Variants in TEX15 observed in about 807,000 individuals in gnomAD.
The protein encoded by TEX15 is testis expressed 15, meiosis and synapsis associated.
In TEX15, 171 loss-of-function variants were observed where a neutral mutation model predicts 237.3. The ratio of observed to expected loss-of-function variants is 0.72; its 90% CI spans 0.64 to 0.82. TEX15 has a LOEUF of 0.82. TEX15 is among the 40% of genes least tolerant of loss of function. TEX15 has a pLI of 0.00. For missense variants in TEX15, 3,750 were observed against 3,646.5 expected (o/e 1.03, Z -0.73); for synonymous variants, 1,338 against 1,269.8 (o/e 1.05, Z -1.14).
At chr8:30,859,886 G>T in intron 6 of TEX15, 25 bp downstream of exon 6, 1 of 1,370,752 alleles carries the variant, frequency 7.3e-7, no homozygotes, top group Non-Finnish European at 9.4e-7. Flanking sequence ...TACTTTTCAA[G>T]AAATCAAATG....
chr8:30,887,869 T>C (rs995826412), intron 2 of TEX15: 1 of 144,186 alleles, frequency 6.9e-6, no homozygotes, highest in African/African-American at 2.5e-5. Context: ...TTCGCACATA[T>C]ATATTTCACA....
At chr8:30,889,954 C>CATATATATATATATATACGTATATAT in intron 2 of TEX15, among the ~76,000 whole-genome samples, 46 of 109,784 alleles carry the variant, frequency 4.2e-4, no homozygotes, top group African/African-American at 7.6e-4. Context: ...TATATATATA[C>CATATATATATATATATACGTATATAT]ATATATATAT....
rs1427347479 is a variant in TEX15 at position 30,848,978 on chromosome 8, A to G, written c.1189T>C (p.Leu397=). 6.2e-7 allele frequency: 1 copy of G among 1,614,046 alleles called. No individual in the cohort carries two copies. Among genetic ancestry groups the G allele is most frequent in the Admixed American group, 1.7e-5 (1 of 60,006 alleles). ...TTTTTAAGACTTGTCCAATTTAACA[A>G]AAGGTCACCATTAACACTGTCTTTG... ...DAKDSVNGDL[L]LNWTSLKNIL... Residue 397 remains leucine, a synonymous_variant, in exon 8 of 11, where the codon TTG becomes CTG. Coordinates refer to ENST00000643185, the MANE Select transcript of TEX15 (RefSeq NM_001350162.2).
chr8:30,896,137 C>T (rs1449880653), intron 2 of TEX15, among the ~76,000 whole-genome samples: 1 of 151,976 alleles, frequency 6.6e-6, no homozygotes, highest in African/African-American at 2.4e-5. Context: ...AGGACAATGA[C>T]GACCCGTAAA....
chr8:30,842,046 T>C lies in TEX15; in HGVS notation c.8121A>G (p.Glu2707=). The change falls in exon 8 of 11, where the codon GAA becomes GAG. Residue 2707 remains glutamate (E), a synonymous_variant. Transcript: ENST00000643185. ...TGGAAACAGTAGTATCTTGCTGTTG[T>C]TCCTGAGAGTCTTCACATTTGTCTA... ...STVDKCEDSQ[E]QQQDTTVSSC... is the part of the protein sequence containing the mutation. 1 of 1,607,478 alleles carries C rather than the reference T, an allele frequency of 6.2e-7. No homozygotes were observed.
chr8:30,873,191 G>A (rs1808330255), intron 4 of TEX15, among the ~76,000 whole-genome samples: 1 of 152,018 alleles, frequency 6.6e-6, no homozygotes, highest in African/African-American at 2.4e-5. Context: ...GAGTTATTTG[G>A]GAAAGATTTA....
In TEX15 at chr8:30,848,514, A is replaced by C; in HGVS notation, c.1653T>G (p.Val551=). The change falls in exon 8 of 11, where the codon GTT becomes GTG. Residue 551 remains valine (V), a synonymous_variant. Transcript: ENST00000643185. ...PISVSNVVSE[V]ENQNHSEEKA... is the part of the protein sequence containing the mutation. The stretch of plus-strand genomic sequence containing the variant: ...TCTCCTCACTGTGGTTTTGGTTCTC[A>C]ACCTCTGACACTACATTTGACACAG... 1 of 1,614,098 alleles carries C rather than the reference A, an allele frequency of 6.2e-7. No individual in the cohort carries two copies. Among genetic ancestry groups the C allele is most frequent in the Non-Finnish European group, 8.5e-7 (1 of 1,179,976 alleles).
intron 7 of TEX15, among the ~76,000 whole-genome samples, chr8:30,857,117 C>T (rs924307952): frequency 4.6e-5 from 7 of 152,062 alleles, no homozygotes; most frequent in African/African-American, 1.4e-4. Flanking sequence ...AATAGAGAGT[C>T]CAGTAAGAGA....
intron 7 of TEX15, among the ~76,000 whole-genome samples, chr8:30,854,017 T>G (rs779878702): frequency 6.6e-6 from 1 of 151,966 alleles, no homozygotes; most frequent in Non-Finnish European, 1.5e-5. Flanking sequence ...TTCTAGAAAT[T>G]TATAGCTATA....
rs1279515326 is a variant in TEX15, at chr8:30,842,049, C to T, written c.8118G>A (p.Gln2706=). 21 of 1,609,292 alleles carry T rather than the reference C, an allele frequency of 1.3e-5. No homozygotes were observed. Among genetic ancestry groups the T allele is most frequent in the Non-Finnish European group, 1.7e-5 (20 of 1,178,820 alleles). The change falls in exon 8 of 11, where the codon CAG becomes CAA. Residue 2706 remains glutamine, a synonymous_variant. Transcript: ENST00000643185. ...AAACAGTAGTATCTTGCTGTTGTTC[C>T]TGAGAGTCTTCACATTTGTCTACAG... ...PSTVDKCEDS[Q]EQQQDTTVSS... is the part of the protein sequence containing the mutation.
In TEX15 at chr8:30,887,163, T is replaced by C. The variant is rs2128776013; in HGVS notation, c.136+4A>G. The C allele has an allele frequency of 2.4e-5, 36 of 1,526,224 alleles. No homozygotes were observed. Among genetic ancestry groups the C allele is most frequent in the Non-Finnish European group, 3.0e-5 (34 of 1,144,162 alleles). The allele number at this position is 1,526,224 out of a possible 1,614,324, so 94.5% of individuals were successfully genotyped here. A position where few individuals can be genotyped will look rare whatever the true frequency, so the allele number is the denominator to read the frequency against. On this transcript the variant is annotated splice_donor_region_variant and intron_variant, in intron 3 of 10. Coordinates refer to ENST00000643185, the MANE Select transcript of TEX15 (RefSeq NM_001350162.2). ...AAAAAAATTCCCAACCACAGAAATA[T>C]TACCTTTCTCAGCTGTCCTCCTGAT...
rs201332070 is a variant in TEX15, at chr8:30,847,958, T to C, written c.2209A>G (p.Thr737Ala). ...HSVEYEGNIH[T>A]SLAIAQKLME... Reference sequence around the variant, plus strand: ...AGCTTTTGAGCAATGGCTAAACTTGTATGAATGTTACCCTCATACTCCACA... The same window carrying C: ...AGCTTTTGAGCAATGGCTAAACTTGCATGAATGTTACCCTCATACTCCACA... Residue 737 changes from threonine (T) to alanine (A), a missense_variant, in exon 8 of 11, where the codon ACA becomes GCA. Thr to Ala is a moderately conservative substitution (Grantham distance 58). Coordinates refer to ENST00000643185, the MANE Select transcript of TEX15 (RefSeq NM_001350162.2). 6.2e-7 allele frequency: 1 copy of C among 1,613,884 alleles called. No individual in the cohort carries two copies. Among genetic ancestry groups the C allele is most frequent in the African/African-American group, 1.3e-5 (1 of 74,934 alleles).
Position 30,846,028 on chromosome 8 carries a change from A to G in TEX15, c.4139T>C (p.Leu1380Pro), listed in dbSNP as rs766268402. ...TTTTAAGTGAACAACTGCTTTGTCT[A>G]GTTTTCTGGAAAGACATTTGCTTTT... Reference protein sequence around the residue: ...LCKSKCLSRKLDKAVVHLKKA... With the variant: ...LCKSKCLSRKPDKAVVHLKKA... Residue 1380 changes from leucine (L) to proline (P), a missense_variant, in exon 8 of 11, where the codon CTA becomes CCA. By Grantham distance (98) the Leu-to-Pro change is moderately conservative (BLOSUM62 -3). Coordinates refer to ENST00000643185, the MANE Select transcript of TEX15 (RefSeq NM_001350162.2). The G allele has an allele frequency of 1.1e-5, 17 of 1,613,316 alleles. No individual in the cohort carries two copies. The highest frequency in any genetic ancestry group is 1.4e-5 in the Non-Finnish European group (17 of 1,179,542).
chr8:30,850,851 T>C (rs1276987640), intron 7 of TEX15, among the ~76,000 whole-genome samples: 1 of 151,968 alleles, frequency 6.6e-6, no homozygotes, highest in Non-Finnish European at 1.5e-5. Context: ...AAATGCATGA[T>C]AAACAATACT....
intron 7 of TEX15, among the ~76,000 whole-genome samples, chr8:30,852,950 T>G (rs1807819867): frequency 6.6e-6 from 1 of 152,184 alleles, no homozygotes; most frequent in South Asian, 2.1e-4. Flanking sequence ...TTAATTAATT[T>G]AAATTTAAAG....
At chr8:30,833,811 T>C (rs1807234960) in intron 10 of TEX15, among the ~76,000 whole-genome samples, 1 of 152,192 alleles carries the variant, frequency 6.6e-6, no homozygotes, top group African/African-American at 2.4e-5. Flanking sequence ...TTTTTTAGAG[T>C]GACTTTTGGA....
rs75149814 is a variant in TEX15, at chr8:30,857,501, C to T, written c.850+1167G>A. On this transcript the variant is annotated intron_variant, in intron 7 of 10. Coordinates refer to ENST00000643185, the MANE Select transcript of TEX15 (RefSeq NM_001350162.2). ...AAGACACAAACTCAGAGAAGACACT[C>T]GCAACACATACAACTGACCCAAGAG... 4.9e-3 allele frequency among the ~76,000 whole-genome samples: 751 copies of T among 152,220 alleles called. 9 individuals are homozygous for T. Among genetic ancestry groups the T allele is most frequent in the African/African-American group, 0.018 (732 of 41,536 alleles).
Position 30,848,770 on chromosome 8 carries a change from T to A in TEX15, c.1397A>T (p.Asn466Ile). The A allele has an allele frequency of 6.2e-7, 1 of 1,614,146 alleles. No homozygotes were observed. Among genetic ancestry groups the A allele is most frequent in the East Asian group, 2.2e-5 (1 of 44,872 alleles). Residue 466 changes from asparagine to isoleucine, a missense_variant, in exon 8 of 11, where the codon AAT becomes ATT. Physicochemically the swap from Asn to Ile is moderately radical, Grantham distance 149. Transcript: ENST00000643185. Reference protein sequence around the residue: ...LQFEKSSDNVNSEIKSTPSNS... With the variant: ...LQFEKSSDNVISEIKSTPSNS... ...AGATGGTGTCGATTTTATTTCTGAA[T>A]TAACATTATCTGAACTCTTCTCAAA...
chr8:30,889,954 C>CATATATATATATATACGTATAT, intron 2 of TEX15, among the ~76,000 whole-genome samples: 2 of 110,082 alleles, frequency 1.8e-5, no homozygotes, highest in African/African-American at 8.9e-5. Flanking sequence ...TATATATATA[C>CATATATATATATATACGTATAT]ATATATATAT....
Sources: gnomAD v4.1 joint callset for allele counts (sites outside exome capture counted in the v4.1 genomes callset) on GRCh38, gnomAD v4.1.1 for gene constraint, MANE v1.5 for transcripts, NCBI Gene and HGNC (gene_info 2026-07-23, HGNC 2026-07-21) for gene names.